The following SEMA3A variants were observed in gnomAD, a reference collection of about 807,000 sequenced individuals.
The protein encoded by SEMA3A is semaphorin 3A.
A neutral mutation model predicts 97.9 loss-of-function variants in SEMA3A; 29 were observed. That is an observed-to-expected ratio of 0.30 (90% CI 0.22 to 0.40). The LOEUF is 0.40. Among genes scored for constraint, SEMA3A ranks in the 10% least tolerant of loss-of-function variants. The pLI is 1.00. For missense variants in SEMA3A, 763 were observed against 951.3 expected (o/e 0.80, Z 2.60); for synonymous variants, 321 against 323.7 (o/e 0.99, Z 0.09).
At chr7:84,024,948 A>G (rs950332789) in intron 6 of SEMA3A, among the ~76,000 whole-genome samples, 4 of 151,904 alleles carry the variant, frequency 2.6e-5, no homozygotes, top group African/African-American at 9.7e-5. Flanking sequence ...GTAGCCGGGC[A>G]TGGTGGTGGG....
chr7:84,089,362 G>C (rs1794489887), intron 4 of SEMA3A, among the ~76,000 whole-genome samples: 1 of 152,072 alleles, frequency 6.6e-6, no homozygotes, highest in South Asian at 2.1e-4. Flanking sequence ...GTCAACAAGA[G>C]TAAGAATTTT....
At chr7:84,316,594 G>A (rs1446105172) in intron 2 of SEMA3A, among the ~76,000 whole-genome samples, 4 of 152,122 alleles carry the variant, frequency 2.6e-5, no homozygotes, top group Non-Finnish European at 5.9e-5. Context: ...GAAGCATTAA[G>A]AGAGTAGATA....
chr7:84,294,640 A>G (rs1800826818), intron 3 of SEMA3A, among the ~76,000 whole-genome samples: 1 of 151,992 alleles, frequency 6.6e-6, no homozygotes, highest in Admixed American at 6.6e-5. Context: ...ATTGTAGGAC[A>G]TTTATTTTTA....
intron 1 of SEMA3A, among the ~76,000 whole-genome samples, chr7:84,444,848 A>G (rs1303822834): frequency 6.6e-6 from 1 of 151,850 alleles, no homozygotes; most frequent in East Asian, 1.9e-4. Context: ...GTGTGAGTAC[A>G]GTGATTTTCT....
intron 1 of SEMA3A, among the ~76,000 whole-genome samples, chr7:84,183,301 A>C (rs1797784113): frequency 6.6e-6 from 1 of 152,118 alleles, no homozygotes; most frequent in African/African-American, 2.4e-5. Context: ...GTCCTTGTGA[A>C]ATTTTTTTTT....
intron 3 of SEMA3A, among the ~76,000 whole-genome samples, chr7:84,115,768 A>G (rs1297530028): frequency 1.3e-5 from 2 of 152,144 alleles, no homozygotes; most frequent in Non-Finnish European, 2.9e-5. Context: ...CTACCGAACC[A>G]GGAAAATTAT....
chr7:84,411,483 T>G (rs1299672258), intron 1 of SEMA3A, among the ~76,000 whole-genome samples: 1 of 151,932 alleles, frequency 6.6e-6, no homozygotes, highest in African/African-American at 2.4e-5. Context: ...GCCTAACCAG[T>G]CTTTTGTATT....
chr7:84,068,443 G>GAA (rs150783127), intron 4 of SEMA3A, among the ~76,000 whole-genome samples: 1 of 147,786 alleles, frequency 6.8e-6, no homozygotes, highest in African/African-American at 2.5e-5. Flanking sequence ...AAAAAAACTG[G>GAA]AAAAAACAAA....
intron 2 of SEMA3A, among the ~76,000 whole-genome samples, chr7:84,344,069 ATC>A (rs1802237086): frequency 6.6e-6 from 1 of 152,172 alleles, no homozygotes; most frequent in Non-Finnish European, 1.5e-5. Flanking sequence ...GAAAGAAGTA[ATC>A]TGACTTTACA....
At chr7:84,339,367 C>A (rs766948038) in intron 2 of SEMA3A, among the ~76,000 whole-genome samples, 1 of 152,126 alleles carries the variant, frequency 6.6e-6, no homozygotes, top group Non-Finnish European at 1.5e-5. Context: ...CTTATTATTG[C>A]TAGAAAGTTA....
chr7:84,076,260 C>G (rs1280516151), intron 4 of SEMA3A, among the ~76,000 whole-genome samples: 1 of 152,022 alleles, frequency 6.6e-6, no homozygotes, highest in Admixed American at 6.6e-5. Context: ...CTTTTAAGTG[C>G]TTTGTAGGTA....
chr7:84,056,005 CT>C (rs748661078), intron 5 of SEMA3A, among the ~76,000 whole-genome samples: 1 of 152,098 alleles, frequency 6.6e-6, no homozygotes, highest in Non-Finnish European at 1.5e-5. Context: ...ATACTATACC[CT>C]ACAAGATCTT....
At chr7:84,106,053 A>C (rs2115921248) in intron 4 of SEMA3A, among the ~76,000 whole-genome samples, 1 of 152,290 alleles carries the variant, frequency 6.6e-6, no homozygotes, top group Non-Finnish European at 1.5e-5. Flanking sequence ...GGAAAGAGAA[A>C]ATCTGTTTAA....
chr7:84,108,760 C>A (rs892978145), intron 4 of SEMA3A, among the ~76,000 whole-genome samples: 1 of 151,952 alleles, frequency 6.6e-6, no homozygotes, highest in African/African-American at 2.4e-5. Context: ...AAAAAATTAG[C>A]CGGACATGTC....
chr7:84,356,155 A>G (rs910460712), intron 2 of SEMA3A, among the ~76,000 whole-genome samples: 18 of 151,864 alleles, frequency 1.2e-4, no homozygotes, highest in African/African-American at 4.3e-4. Context: ...AAATTATTTT[A>G]GTGTTTTATT....
chr7:84,249,130 G>A (rs1053351831), intron 3 of SEMA3A, among the ~76,000 whole-genome samples: 1 of 152,178 alleles, frequency 6.6e-6, no homozygotes, highest in Non-Finnish European at 1.5e-5. Context: ...CTCCTCAAGT[G>A]AGCCATGTTC....
chr7:84,206,433 C>CT (rs1348801783), intron 3 of SEMA3A, among the ~76,000 whole-genome samples: 1 of 151,588 alleles, frequency 6.6e-6, no homozygotes, highest in African/African-American at 2.4e-5. Flanking sequence ...TGGCATTCTC[C>CT]TGCCTCAGCC....
In SEMA3A at chr7:84,472,736, A is replaced by C. The variant is rs1366814211; in HGVS notation, c.-246+19724T>G. 2.0e-5 allele frequency among the ~76,000 whole-genome samples: 3 copies of C among 152,324 alleles called. No individual in the cohort carries two copies. The East Asian group carries it at 5.8e-4, about 29-fold the overall frequency. On this transcript the variant is annotated intron_variant, in intron 1 of 3. Transcript: ENST00000424555. ...TGCTCTTAAACTGTTAGCATTACAT[A>C]ATTTACCATATTATTTCAGAAGAAC...
intron 1 of SEMA3A, among the ~76,000 whole-genome samples, chr7:84,192,609 G>T (rs1415032340): frequency 6.6e-6 from 1 of 151,848 alleles, no homozygotes; most frequent in African/African-American, 2.4e-5. Context: ...TACAACAAAG[G>T]ATATTCAAAT....
Sources: allele counts gnomAD v4.1 joint callset (sites outside exome capture counted in the v4.1 genomes callset), GRCh38; gene constraint gnomAD v4.1.1; transcripts MANE v1.5; gene names NCBI Gene and HGNC (gene_info 2026-07-23, HGNC 2026-07-21).